RIMS2: variants seen among roughly 807,000 people sequenced by gnomAD.
RIMS2 encodes regulating synaptic membrane exocytosis protein 2.
A neutral mutation model predicts 174.4 loss-of-function variants in RIMS2; 59 were observed. The observed-to-expected ratio is 0.34, with a 90% CI of 0.27 to 0.42. RIMS2 has a LOEUF of 0.42. Among genes scored for constraint, RIMS2 ranks in the 10% least tolerant of loss-of-function variants. The pLI is 1.00. For missense variants in RIMS2, 1,620 were observed against 1,666.3 expected, an observed-to-expected ratio of 0.97 and a Z score of 0.48; for synonymous variants, 606 against 572.5, an observed-to-expected ratio of 1.06 and a Z score of -0.84.
chr8:104,155,965 T>C (rs905425830), intron 19 of RIMS2, among the ~76,000 whole-genome samples: 1 of 152,188 alleles, frequency 6.6e-6, no homozygotes, highest in African/African-American at 2.4e-5. Flanking sequence ...CAAGAAACCT[T>C]ACCCTAGGTT....
chr8:104,184,945 A>G (rs1490142863), intron 19 of RIMS2, among the ~76,000 whole-genome samples: 3 of 151,280 alleles, frequency 2.0e-5, no homozygotes, highest in East Asian at 1.9e-4. Flanking sequence ...AGAGAAATTT[A>G]TGGTCTATGG....
At chr8:103,885,193 G>A in intron 3 of RIMS2, 105 bp from the exon 7 acceptor site, 3 of 1,422,908 alleles carry the variant, frequency 2.1e-6, no homozygotes, top group Non-Finnish European at 2.8e-6. Flanking sequence ...ATTTTAAAAA[G>A]GCAAAAGGAC....
At chr8:104,047,747 A>T (rs1393135454) in intron 19 of RIMS2, among the ~76,000 whole-genome samples, 1 of 152,142 alleles carries the variant, frequency 6.6e-6, no homozygotes, top group Non-Finnish European at 1.5e-5. Flanking sequence ...TATGCATTAC[A>T]AATATACTAG....
intron 19 of RIMS2, among the ~76,000 whole-genome samples, chr8:104,181,344 G>T (rs529699582): frequency 6.6e-6 from 1 of 151,658 alleles, no homozygotes; most frequent in African/African-American, 2.4e-5. Context: ...AAAAAATTAT[G>T]ATTAATTCAG....
intron 22 of RIMS2, 98 bp from the exon 29 acceptor site, chr8:104,250,926 T>C: frequency 3.7e-6 from 4 of 1,068,068 alleles, no homozygotes; most frequent in Non-Finnish European, 5.6e-6. Flanking sequence ...TGCTAGCTCT[T>C]TCAGCCAAAG....
chr8:103,844,813 G>T (rs1053870450), intron 3 of RIMS2, among the ~76,000 whole-genome samples: 1 of 151,898 alleles, frequency 6.6e-6, no homozygotes, highest in Non-Finnish European at 1.5e-5. Context: ...TCTACCTTTT[G>T]TTTCTGCTTC....
chr8:103,796,728 T>G (rs2098552434), intron 3 of RIMS2, among the ~76,000 whole-genome samples: 1 of 152,198 alleles, frequency 6.6e-6, no homozygotes, highest in African/African-American at 2.4e-5. Context: ...ATGCTTAGAG[T>G]ATAGCTGTGA....
At chr8:104,030,344 A>G (rs986234122) in intron 19 of RIMS2, among the ~76,000 whole-genome samples, 7 of 152,288 alleles carry the variant, frequency 4.6e-5, no homozygotes, top group Non-Finnish European at 8.8e-5. Flanking sequence ...AATAAAAATC[A>G]AATATATATA....
chr8:103,869,763 A>AT (rs2154512610), intron 3 of RIMS2, among the ~76,000 whole-genome samples: 1 of 152,290 alleles, frequency 6.6e-6, no homozygotes, highest in African/African-American at 2.4e-5. Flanking sequence ...TTGAAGGAGG[A>AT]TTTTAAAAAT....
At chr8:103,534,016 A>G (rs1421727397) in intron 1 of RIMS2, among the ~76,000 whole-genome samples, 2 of 152,226 alleles carry the variant, frequency 1.3e-5, no homozygotes, top group African/African-American at 4.8e-5. Context: ...TTTGAGCTCA[A>G]GGCTGACGTT....
At chr8:104,188,716 T>G (rs1238803828) in intron 19 of RIMS2, among the ~76,000 whole-genome samples, 1 of 151,872 alleles carries the variant, frequency 6.6e-6, no homozygotes, top group Non-Finnish European at 1.5e-5. Context: ...TTTTATTATA[T>G]TTAATTACAG....
chr8:103,663,589 C>T (rs1284989379), intron 1 of RIMS2, among the ~76,000 whole-genome samples: 1 of 152,056 alleles, frequency 6.6e-6, no homozygotes, highest in African/African-American at 2.4e-5. Context: ...TGTGAGGGAC[C>T]TCTTCAAGGA....
intron 3 of RIMS2, among the ~76,000 whole-genome samples, chr8:103,878,204 T>C (rs2099150532): frequency 6.6e-6 from 1 of 151,924 alleles, no homozygotes; most frequent in African/African-American, 2.4e-5. Context: ...GCTGTGATTG[T>C]AAGTTTCCTG....
At chr8:103,863,503 A>G (rs1023207358) in intron 3 of RIMS2, among the ~76,000 whole-genome samples, 1 of 152,054 alleles carries the variant, frequency 6.6e-6, no homozygotes, top group Non-Finnish European at 1.5e-5. Context: ...TTTGGAATAT[A>G]TACAGTGGGA....
intron 19 of RIMS2, among the ~76,000 whole-genome samples, chr8:104,111,221 A>C (rs1455236792): frequency 6.6e-6 from 1 of 152,210 alleles, no homozygotes; most frequent in Non-Finnish European, 1.5e-5. Flanking sequence ...AAGCAATGAC[A>C]CTAATAGAGG....
chr8:104,082,763 C>A (rs1239033639), intron 19 of RIMS2, among the ~76,000 whole-genome samples: 1 of 151,624 alleles, frequency 6.6e-6, no homozygotes, highest in Non-Finnish European at 1.5e-5. Context: ...ATCTATATAT[C>A]TATATTCTTT....
At chr8:103,618,667 A>T (rs149125618) in intron 1 of RIMS2, among the ~76,000 whole-genome samples, 1 of 152,074 alleles carries the variant, frequency 6.6e-6, no homozygotes, top group African/African-American at 2.4e-5. Context: ...TTCCCTGACT[A>T]CATGTTTCCT....
intron 19 of RIMS2, among the ~76,000 whole-genome samples, chr8:104,138,888 T>G (rs896084748): frequency 1.3e-5 from 2 of 152,212 alleles, no homozygotes; most frequent in Non-Finnish European, 2.9e-5. Context: ...TTTAGTAGTT[T>G]CATAATTTGA....
chr8:103,707,716 G>A (rs190019166), intron 2 of RIMS2, among the ~76,000 whole-genome samples: 164 of 152,282 alleles, frequency 1.1e-3, no homozygotes, highest in Non-Finnish European at 1.8e-3. Flanking sequence ...ATCCCATGGC[G>A]TCTCAAATCA....
Sources: gnomAD v4.1 joint callset for allele counts (sites outside exome capture counted in the v4.1 genomes callset) on GRCh38, gnomAD v4.1.1 for gene constraint, MANE v1.5 for transcripts, NCBI Gene and HGNC (gene_info 2026-07-23, HGNC 2026-07-21) for gene names.